Variants in RBFOX1 observed in about 807,000 individuals in gnomAD.
RBFOX1 encodes the protein RNA binding protein fox-1 homolog 1.
In RBFOX1, 8 loss-of-function variants were observed where a neutral mutation model predicts 57.7. That is an observed-to-expected ratio of 0.14 (90% CI 0.08 to 0.25). The LOEUF is 0.25. RBFOX1 is among the 10% of genes least tolerant of loss of function. The pLI, the probability that RBFOX1 is intolerant of heterozygous loss-of-function variation, is 1.00. For synonymous variants in RBFOX1, 326 were observed against 222.4 expected (o/e 1.47, Z -4.15); for missense variants, 611 against 548.5 (o/e 1.11, Z -1.14).
At chr16:5,965,677 GCGTC>G (rs2059829167) in intron 4 of RBFOX1, among the ~76,000 whole-genome samples, 1 of 152,134 alleles carries the variant, frequency 6.6e-6, no homozygotes, top group Non-Finnish European at 1.5e-5. Context: ...TCAGATCACT[GCGTC>G]CCTAAACCCT....
intron 2 of RBFOX1, among the ~76,000 whole-genome samples, chr16:6,393,630 A>T (rs984680201): frequency 2.6e-5 from 4 of 151,882 alleles, no homozygotes; most frequent in Admixed American, 6.6e-5. Context: ...GCTGTTGCTG[A>T]CCTCCTCCCA....
chr16:6,886,361 C>G (rs1198365305), intron 3 of RBFOX1, among the ~76,000 whole-genome samples: 3 of 152,020 alleles, frequency 2.0e-5, no homozygotes, highest in Non-Finnish European at 2.9e-5. Context: ...TGCGCCCGGC[C>G]CAGTGAAGCA....
intron 3 of RBFOX1, among the ~76,000 whole-genome samples, chr16:5,684,226 G>A (rs777517701): frequency 6.6e-6 from 1 of 152,164 alleles, no homozygotes; most frequent in Non-Finnish European, 1.5e-5. Flanking sequence ...TGACAGGATT[G>A]TAGGTTGGTA....
At chr16:6,803,102 C>G (rs1307173061) in intron 3 of RBFOX1, among the ~76,000 whole-genome samples, 2 of 152,128 alleles carry the variant, frequency 1.3e-5, no homozygotes, top group African/African-American at 2.4e-5. Flanking sequence ...ACCCACTCTG[C>G]AGACTCAAAA....
In RBFOX1 at chr16:6,898,871, G is replaced by A. The variant is rs530887674; in HGVS notation, c.-15-153186G>A. ...TGTATGTGTAATATATTACACACAT[G>A]TACACGTGTATAATACGTGTGTGCA... is the stretch of plus-strand genomic sequence containing the variant. On this transcript the variant is annotated intron_variant, in intron 3 of 15. Coordinates refer to ENST00000550418, the MANE Select transcript of RBFOX1 (RefSeq NM_018723.4). Among the ~76,000 whole-genome samples, 54 of 141,498 alleles carry A rather than the reference G, an allele frequency of 3.8e-4. 1 individual carries two copies. The highest frequency in any genetic ancestry group is 1.6e-3 in the African/African-American group (54 of 33,978). 92.8% of individuals were successfully genotyped at this position (141,498 alleles called of 152,430 possible).
chr16:5,918,366 C>T (rs1193600557), intron 4 of RBFOX1, among the ~76,000 whole-genome samples: 5 of 152,202 alleles, frequency 3.3e-5, no homozygotes, highest in African/African-American at 7.2e-5. Context: ...GTGATCCACT[C>T]GCCTTCGCCT....
intron 4 of RBFOX1, among the ~76,000 whole-genome samples, chr16:7,213,231 G>C (rs1018808127): frequency 2.6e-5 from 4 of 152,070 alleles, no homozygotes; most frequent in African/African-American, 9.7e-5. Context: ...AAACAATGAG[G>C]CATCAGTTTT....
intron 3 of RBFOX1, among the ~76,000 whole-genome samples, chr16:6,849,696 A>G (rs1485855950): frequency 6.6e-5 from 10 of 152,062 alleles, no homozygotes; most frequent in Admixed American, 2.0e-4. Context: ...TAAAACAAAA[A>G]AAACTGAAAA....
Position 6,200,688 on chromosome 16 carries a change from G to T in RBFOX1, c.-126-116307G>T, listed in dbSNP as rs543545559. ...AGAGATAACCCTTTACCTTGAAGAA[G>T]TTCACAAGTTTGCTTGGGGAAGGAC... On this transcript the variant is annotated intron_variant, in intron 1 of 15. Coordinates refer to ENST00000550418, the MANE Select transcript of RBFOX1 (RefSeq NM_018723.4). Among the ~76,000 whole-genome samples, 164 of 152,298 alleles carry T rather than the reference G, an allele frequency of 1.1e-3. 2 individuals are homozygous for T. The highest frequency in any genetic ancestry group is 1.8e-3 in the Non-Finnish European group (123 of 68,028).
At chr16:5,384,020 T>C (rs578102428) in intron 1 of RBFOX1, among the ~76,000 whole-genome samples, 1 of 152,302 alleles carries the variant, frequency 6.6e-6, no homozygotes, top group South Asian at 2.1e-4. Context: ...GTGGTACCAG[T>C]GGCATCAGGC....
intron 3 of RBFOX1, among the ~76,000 whole-genome samples, chr16:6,864,998 T>TTC (rs1555544539): frequency 8.5e-5 from 9 of 106,080 alleles, no homozygotes; most frequent in Non-Finnish European, 1.7e-4. Context: ...TCTTTTTCTT[T>TTC]TTTTTTTTTT....
intron 4 of RBFOX1, 82 bp from the exon 5 acceptor site, chr16:7,518,065 G>A (rs904098156): frequency 4.0e-6 from 6 of 1,512,740 alleles, no homozygotes; most frequent in African/African-American, 1.4e-5. Context: ...GGGCACGATC[G>A]TCCTGGGATC....
intron 4 of RBFOX1, among the ~76,000 whole-genome samples, chr16:7,314,648 G>T (rs564590053): frequency 2.0e-5 from 3 of 152,216 alleles, no homozygotes; most frequent in African/African-American, 7.2e-5. Flanking sequence ...GGTGTTGTCT[G>T]TGAAAATGGG....
intron 2 of RBFOX1, among the ~76,000 whole-genome samples, chr16:6,504,574 C>T (rs568374834): frequency 6.6e-6 from 1 of 152,242 alleles, no homozygotes; most frequent in African/African-American, 2.4e-5. Flanking sequence ...ATCTACATTC[C>T]AAACATACTG....
intron 1 of RBFOX1, chr16:5,289,297 C>A: frequency 2.4e-6 from 1 of 425,510 alleles, no homozygotes; most frequent in Non-Finnish European, 4.5e-6. Flanking sequence ...CATGTGGCCT[C>A]CCATGGTCAG....
chr16:5,466,930 T>C (rs2068970575), intron 1 of RBFOX1, among the ~76,000 whole-genome samples: 1 of 152,202 alleles, frequency 6.6e-6, no homozygotes, highest in South Asian at 2.1e-4. Flanking sequence ...TCTGATCTGA[T>C]CTTCATTTAT....
chr16:7,229,442 A>G (rs2093348162), intron 4 of RBFOX1, among the ~76,000 whole-genome samples: 1 of 151,874 alleles, frequency 6.6e-6, no homozygotes, highest in Non-Finnish European at 1.5e-5. Flanking sequence ...ATCTATGTAG[A>G]TGATGTCCTT....
intron 1 of RBFOX1, among the ~76,000 whole-genome samples, chr16:5,292,916 C>T (rs2063571372): frequency 1.3e-5 from 2 of 152,106 alleles, no homozygotes; most frequent in Non-Finnish European, 2.9e-5. Context: ...AGCCACTGTG[C>T]CCAGCCTGGA....
chr16:7,405,981 C>G (rs749502178), intron 4 of RBFOX1, among the ~76,000 whole-genome samples: 1 of 152,108 alleles, frequency 6.6e-6, no homozygotes, highest in Non-Finnish European at 1.5e-5. Context: ...TAGGTAGAGC[C>G]TGAGATGCTG....
Sources: gnomAD v4.1 joint callset for allele counts (sites outside exome capture counted in the v4.1 genomes callset) on GRCh38, gnomAD v4.1.1 for gene constraint, MANE v1.5 for transcripts, NCBI Gene and HGNC (gene_info 2026-07-23, HGNC 2026-07-21) for gene names.